The following NBEAL1 variants were observed in gnomAD, a reference collection of about 807,000 sequenced individuals.
NBEAL1 encodes neurobeachin like 1.
In NBEAL1, 273 loss-of-function variants were observed where a neutral mutation model predicts 351.3. The ratio of observed to expected loss-of-function variants is 0.78; its 90% CI spans 0.70 to 0.86. The LOEUF is 0.86. NBEAL1 is among the 40% of genes least tolerant of loss of function. The pLI, the probability that NBEAL1 is intolerant of heterozygous loss-of-function variation, is 0.00. For synonymous variants in NBEAL1, 1,050 were observed against 1,086.4 expected (o/e 0.97, Z 0.66); for missense variants, 2,961 against 3,201.3 (o/e 0.92, Z 1.81).
At position 203,083,411 on chromosome 2, in the gene NBEAL1, A is replaced by G. The variant is rs747511439; in HGVS notation, c.877A>G (p.Thr293Ala). Residue 293 changes from threonine (T) to alanine (A), a missense_variant, in exon 9 of 56, where the codon ACT (threonine) becomes GCT (alanine). Physicochemically the swap from Thr to Ala is moderately conservative, Grantham distance 58. Coordinates refer to ENST00000683969, the MANE Select transcript of NBEAL1 (RefSeq NM_001378026.1). ...TGATCAGCGTCAAGTGGAAACCAGT[A>G]CTATTCTGGAGAACTATTTTAAATT... ...NSDQRQVETS[T>A]ILENYFKLLN... The G allele has an allele frequency of 1.1e-5, 17 of 1,554,872 alleles. No homozygotes were observed. The highest frequency in any genetic ancestry group is 1.7e-4 in the Middle Eastern group (1 of 5,994).
In NBEAL1 at chr2:203,107,697, A is replaced by G. The variant is rs1381461123; in HGVS notation, c.1458A>G (p.Leu486=). 2 of 1,553,252 alleles carry G rather than the reference A, an allele frequency of 1.3e-6. No individual in the cohort carries two copies. Among genetic ancestry groups the G allele is most frequent in the South Asian group, 1.2e-5 (1 of 84,142 alleles). The part of the protein sequence containing the change: ...LLLLIQWLPE[L]QSHDLQIFIS... ...TTCTTATCCAGTGGCTTCCAGAACT[A>G]CAATCCCATGACCTGCAAATCTTCA... The change falls in exon 14 of 56, where the codon CTA becomes CTG. Residue 486 remains leucine, a synonymous_variant. Transcript: ENST00000683969.
At chr2:203,141,376 T>A (rs1375889813) in intron 31 of NBEAL1, among the ~76,000 whole-genome samples, 21 of 80,368 alleles carry the variant, frequency 2.6e-4, no homozygotes, top group African/African-American at 5.9e-4. Flanking sequence ...ATTTTTTTTT[T>A]TTTTTTTTTT....
intron 18 of NBEAL1, among the ~76,000 whole-genome samples, chr2:203,116,348 ATTGT>A (rs139107071): frequency 4.6e-5 from 7 of 152,304 alleles, no homozygotes; most frequent in Non-Finnish European, 8.8e-5. Context: ...AGTAAGTGAA[ATTGT>A]TTGTGTTTGT....
chr2:203,200,281 G>A (rs2065358080), intron 49 of NBEAL1, among the ~76,000 whole-genome samples: 3 of 152,180 alleles, frequency 2.0e-5, no homozygotes, highest in Admixed American at 6.5e-5. Context: ...GGGAGGCAGA[G>A]GCAGGCGGAT....
chr2:203,139,557 C>CAT (rs2063311788), intron 31 of NBEAL1, among the ~76,000 whole-genome samples: 4 of 67,646 alleles, frequency 5.9e-5, no homozygotes, highest in South Asian at 1.0e-3. Context: ...CCACCCCCAC[C>CAT]TTTTTTTTTT....
At chr2:203,145,642 A>C (rs966673981) in intron 33 of NBEAL1, among the ~76,000 whole-genome samples, 2 of 151,932 alleles carry the variant, frequency 1.3e-5, no homozygotes, top group Non-Finnish European at 1.5e-5. Context: ...TACTGAAAAT[A>C]CAAAAATTAG....
rs1168259835 is a variant in NBEAL1 at position 203,125,445 on chromosome 2, A to T, written c.2776A>T (p.Asn926Tyr). 3 of 1,547,390 alleles carry T rather than the reference A, an allele frequency of 1.9e-6. No homozygotes were observed. The East Asian group carries it at 7.3e-5, about 38-fold the overall frequency. The change falls in exon 20 of 56, where the codon AAT (asparagine) becomes TAT (tyrosine). Residue 926 changes from asparagine (N) to tyrosine (Y), a missense_variant. Transcript: ENST00000683969. ...FSEGQIPEEK[N>Y]ESTVPESVTP... ...TGAAGGACAGATTCCTGAAGAAAAG[A>T]ATGAAAGCACAGTTCCTGAATCAGT...
At chr2:203,126,378 C>A (rs2062937029) in intron 21 of NBEAL1, among the ~76,000 whole-genome samples, 179 bp from the exon 22 acceptor site, 1 of 152,068 alleles carries the variant, frequency 6.6e-6, no homozygotes, top group Non-Finnish European at 1.5e-5. Flanking sequence ...AGGAATATGA[C>A]ACTAGGAGAA....
rs142229640 is a variant in NBEAL1, at chr2:203,165,456, T to C, written c.5715-693T>C. ...TTACAAACACCACTACAATGCAGTC[T>C]TAGTCACAGATTCCTGTATTTTGTG... On this transcript the variant is annotated intron_variant, in intron 36 of 55. Coordinates refer to ENST00000683969, the MANE Select transcript of NBEAL1 (RefSeq NM_001378026.1). Among the ~76,000 whole-genome samples, 200 of 152,354 alleles carry C rather than the reference T, an allele frequency of 1.3e-3. 1 individual carries two copies. Among genetic ancestry groups the C allele is most frequent in the African/African-American group, 4.5e-3 (186 of 41,592 alleles).
At chr2:203,133,295 A>G (rs568351857) in intron 27 of NBEAL1, 149 bp downstream of exon 27, 10 of 435,112 alleles carry the variant, frequency 2.3e-5, no homozygotes, top group Non-Finnish European at 4.1e-5. Context: ...TTTGAAGTAA[A>G]TTAACTTCAT....
intron 23 of NBEAL1, among the ~76,000 whole-genome samples, chr2:203,127,452 G>A (rs1281462628): frequency 3.9e-5 from 6 of 152,176 alleles, no homozygotes; most frequent in African/African-American, 7.2e-5. Flanking sequence ...GGCTGGGCGC[G>A]GTGGCTCACG....
At chr2:203,164,969 C>G (rs1011779831) in intron 36 of NBEAL1, among the ~76,000 whole-genome samples, 9 of 150,668 alleles carry the variant, frequency 6.0e-5, no homozygotes, top group Non-Finnish European at 1.2e-4. Flanking sequence ...TCAAGCGATT[C>G]TTTTGCCTCA....
chr2:203,114,880 T>C (rs879335809), intron 17 of NBEAL1, among the ~76,000 whole-genome samples: 2 of 150,674 alleles, frequency 1.3e-5, no homozygotes, highest in African/African-American at 4.9e-5. Flanking sequence ...GCCTCCCAAG[T>C]AGCTAGGATT....
At chr2:203,098,548 C>A (rs1481043432) in intron 11 of NBEAL1, among the ~76,000 whole-genome samples, 2 of 152,052 alleles carry the variant, frequency 1.3e-5, no homozygotes, top group African/African-American at 2.4e-5. Context: ...ATTGTCTAAG[C>A]CTGATATAAC....
chr2:203,220,813 G>T lies in NBEAL1; in HGVS notation c.*3459G>T, dbSNP rs1187144968. ...TATAAAAATGAAGTTTGGCAAGTTG[G>T]TTTAGTCTTTCTTTTTAGCCTGTGA... On this transcript the variant is annotated 3_prime_UTR_variant, in exon 56 of 56. Transcript: ENST00000683969. Among the ~76,000 whole-genome samples the T allele has an allele frequency of 6.6e-6, 1 of 152,116 alleles. No homozygotes were observed. Among genetic ancestry groups the T allele is most frequent in the Non-Finnish European group, 1.5e-5 (1 of 67,992 alleles).
At chr2:203,208,152 G>A (rs1052621525) in intron 51 of NBEAL1, among the ~76,000 whole-genome samples, 9 of 151,978 alleles carry the variant, frequency 5.9e-5, no homozygotes, top group African/African-American at 1.9e-4. Context: ...AGGCATGGTG[G>A]TACATGCCTG....
chr2:203,207,353 C>T (rs1189615803), intron 51 of NBEAL1, among the ~76,000 whole-genome samples: 4 of 152,100 alleles, frequency 2.6e-5, no homozygotes, highest in Non-Finnish European at 4.4e-5. Flanking sequence ...TCTGCCCGGC[C>T]GCCCCTACTG....
chr2:203,153,877 A>G (rs1386377219), intron 35 of NBEAL1, among the ~76,000 whole-genome samples: 1 of 152,036 alleles, frequency 6.6e-6, no homozygotes, highest in Admixed American at 6.6e-5. Context: ...CCCTCGACAC[A>G]TGCACACAGA....
At chr2:203,113,366 G>A in intron 17 of NBEAL1, 48 bp downstream of exon 17, 1 of 1,067,448 alleles carries the variant, frequency 9.4e-7, no homozygotes, top group Non-Finnish European at 1.2e-6. Context: ...AGTTTTTTTT[G>A]TTGTCTAAAT....
Sources: gnomAD v4.1 joint callset for allele counts (sites outside exome capture counted in the v4.1 genomes callset) on GRCh38, gnomAD v4.1.1 for gene constraint, MANE v1.5 for transcripts, NCBI Gene and HGNC (gene_info 2026-07-23, HGNC 2026-07-21) for gene names.